DCBLD1: variants seen among roughly 807,000 people sequenced by gnomAD.
DCBLD1 encodes the protein discoidin, CUB and LCCL domain-containing protein 1.
DCBLD1 carries 57 observed loss-of-function variants against 71.5 expected under a neutral mutation model. The ratio of observed to expected loss-of-function variants is 0.80; its 90% CI spans 0.64 to 0.99. The LOEUF is 0.99. Ranked by LOEUF, DCBLD1 falls within the 50% of genes least tolerant of loss-of-function variation. The pLI is 0.00. For missense variants in DCBLD1, 891 were observed against 923.5 expected (o/e 0.96, Z 0.46); for synonymous variants, 380 against 363.8 (o/e 1.04, Z -0.51).
chr6:117,557,163 G>A (rs187159907), intron 14 of DCBLD1, among the ~76,000 whole-genome samples: 120 of 152,120 alleles, frequency 7.9e-4, no homozygotes, highest in African/African-American at 2.8e-3. Context: ...TGAAAGTTTT[G>A]TTGCAATCTC....
At chr6:117,488,271 G>A (rs1777158509) in intron 1 of DCBLD1, among the ~76,000 whole-genome samples, 2 of 152,136 alleles carry the variant, frequency 1.3e-5, no homozygotes, top group African/African-American at 4.8e-5. Flanking sequence ...TTGAAAGGAG[G>A]ATAATATTCA....
chr6:117,527,406 C>A lies in DCBLD1; in HGVS notation c.585+1972C>A, dbSNP rs546568485. Among the ~76,000 whole-genome samples, 86 of 152,222 alleles carry A rather than the reference C, an allele frequency of 5.6e-4. 2 individuals carry two copies. In the South Asian group the frequency reaches 0.017, roughly 30 times the overall value. ...TTGTAGCAAGTCTTTTCAGAAGAAT[C>A]TTTGCAAAACCAAAGCATATCCTAT... On this transcript the variant is annotated intron_variant, in intron 5 of 14. Coordinates refer to ENST00000338728, the MANE Select transcript of DCBLD1 (RefSeq NM_001366458.2).
intron 1 of DCBLD1, among the ~76,000 whole-genome samples, chr6:117,500,141 C>T (rs376432564): frequency 6.6e-6 from 1 of 152,220 alleles, no homozygotes; most frequent in East Asian, 1.9e-4. Flanking sequence ...TGGCATCTTT[C>T]TACTTAATCC....
chr6:117,503,595 C>A, intron 1 of DCBLD1, 172 bp from the exon 2 acceptor site: 1 of 639,700 alleles, frequency 1.6e-6, no homozygotes, highest in Non-Finnish European at 2.6e-6. Flanking sequence ...GATGAAATAA[C>A]CTGAAACAAT....
chr6:117,563,431 G>C, intron 14 of DCBLD1: 1 of 1,601,792 alleles, frequency 6.2e-7, no homozygotes, highest in Non-Finnish European at 8.5e-7. Context: ...GGTTTAAAAA[G>C]TTGGTTTTGG....
rs1469309752 is a variant in DCBLD1 at position 117,522,741 on chromosome 6, T to C, written c.512+1165T>C. 7.2e-5 allele frequency among the ~76,000 whole-genome samples: 11 copies of C among 152,340 alleles called. No individual in the cohort carries two copies. The South Asian group carries it at 1.0e-3, about 14-fold the overall frequency. ...ACCCAGCTATGACTCTCTAGAGTGCTTTCCTAGTGCTCGATATAGCTGTCT... is the reference window on the plus strand; with the variant it reads ...ACCCAGCTATGACTCTCTAGAGTGCCTTCCTAGTGCTCGATATAGCTGTCT... On this transcript the variant is annotated intron_variant, in intron 4 of 14. Transcript: ENST00000338728.
intron 1 of DCBLD1, among the ~76,000 whole-genome samples, chr6:117,500,603 A>G (rs909003063): frequency 6.6e-6 from 1 of 152,232 alleles, no homozygotes; most frequent in Non-Finnish European, 1.5e-5. Context: ...GCGGTGGCTC[A>G]CGCCTGTAAT....
intron 5 of DCBLD1, 121 bp downstream of exon 5, chr6:117,525,555 C>A: frequency 4.7e-6 from 3 of 644,004 alleles, no homozygotes; most frequent in Non-Finnish European, 7.1e-6. Context: ...GCATGAGTCT[C>A]TCTCCTCTGA....
At chr6:117,564,842 T>G (rs1330530231) in intron 14 of DCBLD1, among the ~76,000 whole-genome samples, 1 of 152,212 alleles carries the variant, frequency 6.6e-6, no homozygotes, top group Non-Finnish European at 1.5e-5. Context: ...TTGCTCAAGA[T>G]GCACAGTGAA....
At chr6:117,553,343 C>T (rs1399235066), downstream of DCBLD1, among the ~76,000 whole-genome samples, 1 of 152,114 alleles carries the variant, frequency 6.6e-6, no homozygotes, top group Non-Finnish European at 1.5e-5. Context: ...TCCTTTCCTC[C>T]TTCCTTCCTG....
At chr6:117,549,873 G>A, downstream of DCBLD1, 1 of 985,260 alleles carries the variant, frequency 1.0e-6, no homozygotes, top group Non-Finnish European at 1.2e-6. Flanking sequence ...CTGTAAAAAG[G>A]CAGGTGCCAC....
At chr6:117,542,676 T>C (rs1042934042) in intron 11 of DCBLD1, among the ~76,000 whole-genome samples, 1 of 152,140 alleles carries the variant, frequency 6.6e-6, no homozygotes, top group African/African-American at 2.4e-5. Flanking sequence ...TTTTCCAGAC[T>C]ATTGTTATGG....
chr6:117,504,086 A>C, intron 2 of DCBLD1, 107 bp downstream of exon 2: 1 of 1,249,882 alleles, frequency 8.0e-7, no homozygotes, highest in Non-Finnish European at 1.1e-6. Context: ...ATTAGAAGAG[A>C]AACTTGCTTC....
intron 5 of DCBLD1, among the ~76,000 whole-genome samples, chr6:117,531,013 T>C (rs897392152): frequency 1.3e-5 from 2 of 152,152 alleles, no homozygotes; most frequent in Non-Finnish European, 2.9e-5. Flanking sequence ...TAGCAGTTAT[T>C]GCAAAACTGA....
chr6:117,549,736 A>G lies in DCBLD1; in HGVS notation c.*1297A>G. The G allele has an allele frequency of 5.1e-6, 5 of 985,426 alleles. No individual in the cohort carries two copies. Among genetic ancestry groups the G allele is most frequent in the Non-Finnish European group, 6.0e-6 (5 of 829,938 alleles). The allele number at this position is 985,426 out of a possible 1,614,324, so 61.0% of individuals were successfully genotyped here. A position where few individuals can be genotyped will look rare whatever the true frequency, so the allele number is the denominator to read the frequency against. On this transcript the variant is annotated 3_prime_UTR_variant, in exon 15 of 15. Transcript: ENST00000338728. Reference sequence around the variant, plus strand: ...GGTTAGTGTGGAGGGGAAATGGTTTACTTTGTAGAGTTTACATGGTTTTAT... The same window carrying G: ...GGTTAGTGTGGAGGGGAAATGGTTTGCTTTGTAGAGTTTACATGGTTTTAT...
At chr6:117,512,917 G>A (rs188557752) in intron 2 of DCBLD1, among the ~76,000 whole-genome samples, 7 of 151,862 alleles carry the variant, frequency 4.6e-5, no homozygotes, top group Admixed American at 4.6e-4. Context: ...AGGGAAAGAG[G>A]TTTCTTTGTT....
intron 2 of DCBLD1, among the ~76,000 whole-genome samples, chr6:117,516,504 A>G (rs1248397223): frequency 6.6e-6 from 1 of 152,194 alleles, no homozygotes. Flanking sequence ...GAGGGTAAGC[A>G]TATAGCATTT....
At chr6:117,513,470 C>T (rs545504616) in intron 2 of DCBLD1, among the ~76,000 whole-genome samples, 21 of 152,238 alleles carry the variant, frequency 1.4e-4, no homozygotes, top group Non-Finnish European at 2.8e-4. Context: ...AATATAGGGC[C>T]GCCAGTTACA....
chr6:117,542,316 A>C (rs1779124683), intron 11 of DCBLD1, among the ~76,000 whole-genome samples: 1 of 151,584 alleles, frequency 6.6e-6, no homozygotes, highest in South Asian at 2.1e-4. Context: ...AAAGAAAAAG[A>C]AGTAATAATA....
Sources: gnomAD v4.1 joint callset for allele counts (sites outside exome capture counted in the v4.1 genomes callset) on GRCh38, gnomAD v4.1.1 for gene constraint, MANE v1.5 for transcripts, NCBI Gene and HGNC (gene_info 2026-07-23, HGNC 2026-07-21) for gene names.